AFG2A: variants seen among roughly 807,000 people sequenced by gnomAD.
The protein encoded by AFG2A is ATPase family gene 2 protein homolog A.
the AFG2A span, among the ~76,000 whole-genome samples, chr4:123,119,413 C>A: frequency 6.6e-6 from 1 of 152,112 alleles, no homozygotes; most frequent in Non-Finnish European, 1.5e-5. Flanking sequence ...TAGCAGAGGG[C>A]CTTCTTATCA....
At chr4:123,024,237 A>G in the AFG2A span, among the ~76,000 whole-genome samples, 2 of 151,250 alleles carry the variant, frequency 1.3e-5, no homozygotes, top group African/African-American at 2.4e-5. Context: ...CAAAAAAAAA[A>G]AAAAGAAACA....
At chr4:122,936,302 C>G in the AFG2A span, 1 of 436,900 alleles carries the variant, frequency 2.3e-6, no homozygotes. Context: ...TAATGAAATT[C>G]TATTTCTATC....
chr4:123,220,071 A>G, the AFG2A span, among the ~76,000 whole-genome samples: 9 of 152,022 alleles, frequency 5.9e-5, no homozygotes, highest in East Asian at 1.8e-3. Context: ...GGGTTTCACC[A>G]TGTTGGCCGG....
chr4:123,042,132 G>A, the AFG2A span, among the ~76,000 whole-genome samples: 5 of 152,108 alleles, frequency 3.3e-5, no homozygotes, highest in African/African-American at 1.2e-4. Flanking sequence ...TTTTGAAGCA[G>A]CATTGTGAAG....
the AFG2A span, chr4:123,256,731 T>G: frequency 1.5e-5 from 15 of 985,342 alleles, no homozygotes; most frequent in African/African-American, 2.3e-4. Context: ...CCCTTACCTC[T>G]GAAGATAAAC....
chr4:122,977,742 G>A, the AFG2A span, among the ~76,000 whole-genome samples: 5 of 152,264 alleles, frequency 3.3e-5, no homozygotes, highest in Non-Finnish European at 5.9e-5. Flanking sequence ...TATGTGGACA[G>A]CTGGAGGGTG....
chr4:122,942,503 G>A, the AFG2A span, among the ~76,000 whole-genome samples: 521 of 151,448 alleles, frequency 3.4e-3, 3 homozygotes, highest in Middle Eastern at 0.014. Flanking sequence ...TTTTTATTGC[G>A]TCTATTTGAT....
chr4:123,254,769 C>G, the AFG2A span, among the ~76,000 whole-genome samples: 1 of 152,182 alleles, frequency 6.6e-6, no homozygotes, highest in African/African-American at 2.4e-5. Context: ...AATACATGCT[C>G]ACCAAATTTT....
the AFG2A span, among the ~76,000 whole-genome samples, chr4:123,258,377 T>TA: frequency 6.6e-6 from 1 of 152,242 alleles, no homozygotes; most frequent in Non-Finnish European, 1.5e-5. Flanking sequence ...ATGCTTAAGA[T>TA]AAAAGGTTTC....
chr4:123,045,544 A>G, the AFG2A span, among the ~76,000 whole-genome samples: 6 of 152,204 alleles, frequency 3.9e-5, no homozygotes, highest in African/African-American at 1.4e-4. Context: ...TTTGTAGATT[A>G]CAGGGTAGTT....
chr4:123,006,485 CCTCT>C, the AFG2A span, among the ~76,000 whole-genome samples: 7 of 152,056 alleles, frequency 4.6e-5, no homozygotes, highest in Admixed American at 1.3e-4. Context: ...TTTGCTCTTT[CCTCT>C]CTCACTGGAG....
chr4:122,974,166 A>G, the AFG2A span, among the ~76,000 whole-genome samples: 1 of 151,810 alleles, frequency 6.6e-6, no homozygotes, highest in Non-Finnish European at 1.5e-5. Flanking sequence ...ATAATATTAA[A>G]TATACTTTTA....
chr4:123,085,383 G>A, the AFG2A span, among the ~76,000 whole-genome samples: 1 of 152,052 alleles, frequency 6.6e-6, no homozygotes, highest in Non-Finnish European at 1.5e-5. Context: ...CTGATTTGTT[G>A]TTAGATGCAT....
chr4:123,228,355 T>G, the AFG2A span, among the ~76,000 whole-genome samples: 3,534 of 152,110 alleles, frequency 0.023, 72 homozygotes, highest in African/African-American at 0.055. Flanking sequence ...CAGTGGCTGG[T>G]ACCGGTTGTT....
the AFG2A span, among the ~76,000 whole-genome samples, chr4:123,132,036 G>T: frequency 6.6e-6 from 1 of 151,986 alleles, no homozygotes; most frequent in Admixed American, 6.6e-5. Flanking sequence ...TTGTGATTGT[G>T]ATCTGTACTT....
At chr4:123,263,557 C>T in the AFG2A span, among the ~76,000 whole-genome samples, 3 of 151,618 alleles carry the variant, frequency 2.0e-5, no homozygotes, top group African/African-American at 7.2e-5. Context: ...TAAATTGGGA[C>T]TATTAAAGAT....
the AFG2A span, among the ~76,000 whole-genome samples, chr4:123,278,884 T>G: frequency 6.6e-6 from 1 of 152,202 alleles, no homozygotes; most frequent in Non-Finnish European, 1.5e-5. Flanking sequence ...ATACTGATGC[T>G]TTTTCTTTGG....
chr4:123,213,562 G>GA, the AFG2A span, among the ~76,000 whole-genome samples: 2 of 152,180 alleles, frequency 1.3e-5, no homozygotes, highest in East Asian at 3.8e-4. Flanking sequence ...TACTAAAAAT[G>GA]AACCATTAGT....
At chr4:123,290,910 A>G in the AFG2A span, among the ~76,000 whole-genome samples, 1 of 152,092 alleles carries the variant, frequency 6.6e-6, no homozygotes, top group Non-Finnish European at 1.5e-5. Context: ...GTCTCCCACT[A>G]TTATTGTATT....
Sources: gnomAD v4.1 joint callset for allele counts (sites outside exome capture counted in the v4.1 genomes callset) on GRCh38, gnomAD v4.1.1 for gene constraint, MANE v1.5 for transcripts, NCBI Gene and HGNC (gene_info 2026-07-23, HGNC 2026-07-21) for gene names.